The following RAB38 variants were observed in gnomAD, a reference collection of about 807,000 sequenced individuals.
RAB38 encodes ras-related protein Rab-38.
A neutral mutation model predicts 18.4 loss-of-function variants in RAB38; 15 were observed. The observed-to-expected ratio is 0.82, with a 90% CI of 0.55 to 1.26. RAB38 has a LOEUF of 1.26. RAB38 is among the 50% of genes most tolerant of loss of function. RAB38 has a pLI of 0.00. For missense variants in RAB38, 294 were observed against 267.4 expected, an observed-to-expected ratio of 1.10 and a Z score of -0.69; for synonymous variants, 101 against 104.4, an observed-to-expected ratio of 0.97 and a Z score of 0.20.
At chr11:88,147,823 G>T (rs1943010262) in intron 2 of RAB38, among the ~76,000 whole-genome samples, 3 of 152,118 alleles carry the variant, frequency 2.0e-5, no homozygotes, top group Admixed American at 2.0e-4. Context: ...AATCCGGGGG[G>T]TGGAGCTTGC....
the RAB38 span, among the ~76,000 whole-genome samples, chr11:88,086,674 A>G: frequency 6.6e-6 from 1 of 151,928 alleles, no homozygotes; most frequent in African/African-American, 2.4e-5. Flanking sequence ...GTAAATGAAT[A>G]GCATATGAAT....
At chr11:88,004,415 A>G in the RAB38 span, among the ~76,000 whole-genome samples, 3 of 151,264 alleles carry the variant, frequency 2.0e-5, no homozygotes, top group Non-Finnish European at 4.5e-5. Flanking sequence ...AGCATTTTAG[A>G]AATTCAGTAC....
At chr11:88,076,307 C>T in the RAB38 span, among the ~76,000 whole-genome samples, 1 of 152,088 alleles carries the variant, frequency 6.6e-6, no homozygotes, top group Non-Finnish European at 1.5e-5. Context: ...AACAAACCTA[C>T]AGCTAATATT....
At chr11:87,804,417 G>T in the RAB38 span, among the ~76,000 whole-genome samples, 3 of 152,102 alleles carry the variant, frequency 2.0e-5, no homozygotes, top group Admixed American at 6.6e-5. Context: ...GAGGTATCTT[G>T]TTTTCACCAT....
the RAB38 span, among the ~76,000 whole-genome samples, chr11:87,963,053 T>C: frequency 2.3e-4 from 35 of 152,200 alleles, no homozygotes; most frequent in East Asian, 3.9e-4. Flanking sequence ...GAGCTATTTA[T>C]GAATCACAGT....
the RAB38 span, among the ~76,000 whole-genome samples, chr11:88,037,538 C>T: frequency 6.6e-6 from 1 of 152,120 alleles, no homozygotes; most frequent in Non-Finnish European, 1.5e-5. Context: ...ATAGAACATT[C>T]TCACCTCCAC....
the RAB38 span, among the ~76,000 whole-genome samples, chr11:87,831,198 G>A: frequency 1.3e-5 from 2 of 152,144 alleles, no homozygotes; most frequent in African/African-American, 4.8e-5. Flanking sequence ...AGACGCCAGA[G>A]CTTAACTGCT....
the RAB38 span, among the ~76,000 whole-genome samples, chr11:87,825,010 G>A: frequency 1.3e-5 from 2 of 151,912 alleles, no homozygotes; most frequent in Non-Finnish European, 2.9e-5. Flanking sequence ...GTGTGTGTGT[G>A]TATGTGTGTG....
chr11:87,876,013 A>G, the RAB38 span, among the ~76,000 whole-genome samples: 2 of 151,566 alleles, frequency 1.3e-5, no homozygotes, highest in Non-Finnish European at 3.0e-5. Context: ...GATATCAGGA[A>G]TCTTTGTCTT....
chr11:88,105,532 T>C, the RAB38 span, among the ~76,000 whole-genome samples: 1 of 152,116 alleles, frequency 6.6e-6, no homozygotes, highest in Non-Finnish European at 1.5e-5. Context: ...TTATACACAG[T>C]TAAACTAAGA....
At chr11:87,950,723 TTCTGGCTTGTAGA>T in the RAB38 span, among the ~76,000 whole-genome samples, 1 of 152,206 alleles carries the variant, frequency 6.6e-6, no homozygotes, top group Non-Finnish European at 1.5e-5. Flanking sequence ...CCCCACTCTC[TTCTGGCTTGTAGA>T]GTTTCTGCAG....
chr11:87,963,195 A>C, the RAB38 span, among the ~76,000 whole-genome samples: 2 of 152,202 alleles, frequency 1.3e-5, no homozygotes, highest in South Asian at 4.1e-4. Flanking sequence ...CATATAATAC[A>C]CACATACATA....
chr11:88,050,233 T>C, the RAB38 span: 15 of 152,230 alleles, frequency 9.9e-5, no homozygotes, highest in African/African-American at 3.4e-4. Flanking sequence ...TTGTCAATGG[T>C]AGCAAATACT....
chr11:87,850,460 CAGAG>C, the RAB38 span, among the ~76,000 whole-genome samples: 1 of 151,950 alleles, frequency 6.6e-6, no homozygotes, highest in African/African-American at 2.4e-5. Flanking sequence ...CCTTGTAAAG[CAGAG>C]AGCGTGTGTG....
At chr11:87,952,731 A>T in the RAB38 span, among the ~76,000 whole-genome samples, 1 of 152,212 alleles carries the variant, frequency 6.6e-6, no homozygotes, top group Non-Finnish European at 1.5e-5. Flanking sequence ...AGAGTTCAGG[A>T]AATATTTAAT....
the RAB38 span, among the ~76,000 whole-genome samples, chr11:87,911,990 C>T: frequency 6.6e-6 from 1 of 151,706 alleles, no homozygotes; most frequent in Non-Finnish European, 1.5e-5. Flanking sequence ...GTTTTAGTCT[C>T]TTATTGTAAT....
chr11:87,897,040 A>G, the RAB38 span, among the ~76,000 whole-genome samples: 95,282 of 151,522 alleles, frequency 0.63, 32,182 homozygotes, highest in East Asian at 0.89. Context: ...GACATCTGAG[A>G]AACTCTATAG....
At chr11:87,963,125 T>C in the RAB38 span, among the ~76,000 whole-genome samples, 3 of 152,180 alleles carry the variant, frequency 2.0e-5, no homozygotes, top group Non-Finnish European at 4.4e-5. Context: ...CCTGGGAACA[T>C]ATTAGTGTTA....
At chr11:87,953,229 A>AGCTT in the RAB38 span, among the ~76,000 whole-genome samples, 2 of 152,190 alleles carry the variant, frequency 1.3e-5, no homozygotes, top group African/African-American at 4.8e-5. Flanking sequence ...GAAGAACAAT[A>AGCTT]ACAAGCAAAG....
Sources: allele counts gnomAD v4.1 joint callset (sites outside exome capture counted in the v4.1 genomes callset), GRCh38; gene constraint gnomAD v4.1.1; transcripts MANE v1.5; gene names NCBI Gene and HGNC (gene_info 2026-07-23, HGNC 2026-07-21).